Variants in SUGCT observed in about 807,000 individuals in gnomAD.
SUGCT encodes succinyl-CoA:glutarate CoA-transferase.
Under a neutral mutation model 55.0 loss-of-function variants are expected in SUGCT, and 41 were observed. The ratio of observed to expected loss-of-function variants is 0.74; its 90% CI spans 0.58 to 0.97. The LOEUF is 0.97. SUGCT is among the 50% of genes least tolerant of loss of function. The probability of loss-of-function intolerance (pLI) is 0.00; values close to 1 mark genes in which losing one functional copy is unlikely to be tolerated. For synonymous variants in SUGCT, 187 were observed against 200.4 expected, an observed-to-expected ratio of 0.93 and a Z score of 0.56; for missense variants, 568 against 547.8, an observed-to-expected ratio of 1.04 and a Z score of -0.37.
chr7:40,537,242 A>G (rs753454079), intron 12 of SUGCT, among the ~76,000 whole-genome samples: 17 of 152,194 alleles, frequency 1.1e-4, no homozygotes, highest in Admixed American at 2.6e-4. Flanking sequence ...CTCTTTTGCT[A>G]TAGCTGCGTG....
intron 12 of SUGCT, among the ~76,000 whole-genome samples, chr7:40,616,407 G>A (rs908398199): frequency 5.9e-5 from 9 of 151,932 alleles, no homozygotes; most frequent in African/African-American, 1.9e-4. Context: ...TGTTGGCCAG[G>A]CTGACCGCAA....
chr7:40,261,557 G>T (rs1791224962), intron 7 of SUGCT, among the ~76,000 whole-genome samples: 1 of 152,154 alleles, frequency 6.6e-6, no homozygotes, highest in South Asian at 2.1e-4. Context: ...TTTCTCCATT[G>T]TAGTGCTTGC....
At chr7:40,782,437 A>G (rs17770820) in intron 13 of SUGCT, among the ~76,000 whole-genome samples, 1 of 151,988 alleles carries the variant, frequency 6.6e-6, no homozygotes, top group African/African-American at 2.4e-5. Flanking sequence ...GTTTATTTCT[A>G]TTATTATCTG....
intron 9 of SUGCT, among the ~76,000 whole-genome samples, chr7:40,412,579 ATTAT>A (rs1786755093): frequency 6.6e-6 from 1 of 152,118 alleles, no homozygotes; most frequent in African/African-American, 2.4e-5. Context: ...ATTAAAATAC[ATTAT>A]TTATATATTG....
At chr7:40,414,247 C>A (rs1337545907) in intron 9 of SUGCT, among the ~76,000 whole-genome samples, 1 of 152,144 alleles carries the variant, frequency 6.6e-6, no homozygotes, top group Non-Finnish European at 1.5e-5. Context: ...ATGGAAAATT[C>A]ATTAGATTTA....
At chr7:40,514,026 G>A (rs1035500974) in intron 12 of SUGCT, among the ~76,000 whole-genome samples, 20 of 151,758 alleles carry the variant, frequency 1.3e-4, no homozygotes, top group Non-Finnish European at 2.2e-4. Context: ...TCCTGACCTC[G>A]TGATCCGCCC....
chr7:40,411,278 A>G (rs1260687865), intron 9 of SUGCT, among the ~76,000 whole-genome samples: 2 of 152,188 alleles, frequency 1.3e-5, no homozygotes, highest in Non-Finnish European at 2.9e-5. Context: ...CTGTAATCCC[A>G]GCTACTTAGG....
At chr7:40,960,449 A>G in the SUGCT span, among the ~76,000 whole-genome samples, 1 of 152,200 alleles carries the variant, frequency 6.6e-6, no homozygotes, top group Non-Finnish European at 1.5e-5. Context: ...TAGTGCCATT[A>G]GAAGTATTCT....
At chr7:40,812,658 C>T (rs375364156) in intron 13 of SUGCT, among the ~76,000 whole-genome samples, 1 of 151,836 alleles carries the variant, frequency 6.6e-6, no homozygotes, top group South Asian at 2.1e-4. Context: ...CTTGTTTATC[C>T]TTTCAAAGAA....
chr7:41,008,296 T>C, the SUGCT span, among the ~76,000 whole-genome samples: 75,837 of 152,106 alleles, frequency 0.5, 19,543 homozygotes, highest in South Asian at 0.63. Flanking sequence ...CCCACGCTCC[T>C]GAACGCAGCC....
At chr7:40,591,105 T>C (rs1407793747) in intron 12 of SUGCT, among the ~76,000 whole-genome samples, 1 of 152,174 alleles carries the variant, frequency 6.6e-6, no homozygotes, top group Non-Finnish European at 1.5e-5. Flanking sequence ...ATTCCTCCGA[T>C]GGATCTGGGC....
intron 9 of SUGCT, among the ~76,000 whole-genome samples, chr7:40,440,163 T>C: frequency 7.2e-6 from 1 of 139,740 alleles, no homozygotes; most frequent in Non-Finnish European, 1.5e-5. Flanking sequence ...TTTTTTTTTT[T>C]TTTTTTTTTT....
At chr7:40,284,389 C>G (rs1027155923) in intron 8 of SUGCT, among the ~76,000 whole-genome samples, 1 of 152,038 alleles carries the variant, frequency 6.6e-6, no homozygotes, top group Admixed American at 6.6e-5. Context: ...AGATGGATCA[C>G]TTGAGGTCAG....
At chr7:40,496,446 T>C in intron 12 of SUGCT, 60 bp downstream of exon 12, 2 of 1,156,830 alleles carry the variant, frequency 1.7e-6, no homozygotes, top group Admixed American at 3.8e-5. Context: ...TATATCAAGG[T>C]ACCTTTGCCA....
At chr7:40,705,130 C>A (rs572942615) in intron 12 of SUGCT, among the ~76,000 whole-genome samples, 1 of 151,796 alleles carries the variant, frequency 6.6e-6, no homozygotes, top group South Asian at 2.1e-4. Flanking sequence ...CTGTTTTTTA[C>A]TTCATTCTAT....
chr7:40,672,965 C>A (rs1057308163), intron 12 of SUGCT, among the ~76,000 whole-genome samples: 1 of 152,110 alleles, frequency 6.6e-6, no homozygotes, highest in African/African-American at 2.4e-5. Context: ...CTTTTGTAGG[C>A]GATCTTCCCT....
At chr7:40,988,727 T>C in the SUGCT span, among the ~76,000 whole-genome samples, 1 of 152,184 alleles carries the variant, frequency 6.6e-6, no homozygotes, top group Non-Finnish European at 1.5e-5. Context: ...CCCATAAACT[T>C]ATTATTTTAG....
the SUGCT span, among the ~76,000 whole-genome samples, chr7:40,872,211 C>T: frequency 6.6e-6 from 1 of 152,118 alleles, no homozygotes; most frequent in Non-Finnish European, 1.5e-5. Context: ...AGAGCGGGTG[C>T]CTGACCGTCC....
intron 12 of SUGCT, among the ~76,000 whole-genome samples, chr7:40,641,338 C>T (rs939461053): frequency 5.9e-5 from 9 of 152,000 alleles, no homozygotes; most frequent in East Asian, 3.9e-4. Flanking sequence ...GGAACATTAT[C>T]GAAAAAATAT....
Sources: allele counts gnomAD v4.1 joint callset (sites outside exome capture counted in the v4.1 genomes callset), GRCh38; gene constraint gnomAD v4.1.1; transcripts MANE v1.5; gene names NCBI Gene and HGNC (gene_info 2026-07-23, HGNC 2026-07-21).